GLT1D1: variants seen among roughly 807,000 people sequenced by gnomAD.
The protein encoded by GLT1D1 is glycosyltransferase 1 domain containing 1, also known as glycosyltransferase 1 domain-containing protein 1.
In GLT1D1, 21 loss-of-function variants were observed where a neutral mutation model predicts 28.7. The ratio of observed to expected loss-of-function variants is 0.73; its 90% CI spans 0.52 to 1.05. The LOEUF is 1.05. Ranked by LOEUF, GLT1D1 falls within the 50% of genes least tolerant of loss-of-function variation. GLT1D1 has a pLI of 0.00. For synonymous variants in GLT1D1, 147 were observed against 124.8 expected (o/e 1.18, Z -1.19); for missense variants, 343 against 330.6 (o/e 1.04, Z -0.29).
chr12:128,936,371 G>T (rs147986903), intron 4 of GLT1D1, among the ~76,000 whole-genome samples: 1 of 152,096 alleles, frequency 6.6e-6, no homozygotes, highest in African/African-American at 2.4e-5. Flanking sequence ...AGCCAGGATG[G>T]TCTCGATCCC....
In GLT1D1 at chr12:128,879,362, CTTATTATTTTTTTCTTTT is replaced by C. The variant is rs1249233105; in HGVS notation, c.217+3302_217+3319del. On this transcript the variant is annotated intron_variant, in intron 2 of 7. Coordinates refer to ENST00000281703, the MANE Select transcript of GLT1D1 (RefSeq NM_144669.3). Reference sequence around the variant, plus strand: ...TTGTGTCATTTTCTGTAAAGTGATACTTATTATTTTTTTCTTTTTCTTTCTTTCTTTCTTTCTTTCTTT... The same window carrying C: ...TTGTGTCATTTTCTGTAAAGTGATACTCTTTCTTTCTTTCTTTCTTTCTTT... Among the ~76,000 whole-genome samples the C allele has an allele frequency of 4.5e-3, 637 of 140,152 alleles. 11 individuals carry two copies. Among genetic ancestry groups the C allele is most frequent in the African/African-American group, 0.017 (596 of 34,852 alleles). The allele number at this position is 140,152 out of a possible 152,430, so 91.9% of individuals were successfully genotyped here. A position where few individuals can be genotyped will look rare whatever the true frequency, so the allele number is the denominator to read the frequency against.
intron 7 of GLT1D1, among the ~76,000 whole-genome samples, chr12:128,970,855 C>T (rs1033496208): frequency 1.3e-5 from 2 of 152,230 alleles, no homozygotes; most frequent in East Asian, 1.9e-4. Flanking sequence ...AGCCTGGAAG[C>T]TTCCCGAGGG....
rs1017794786 is a variant in GLT1D1, at chr12:128,876,029, C to G, written c.184C>G (p.Leu62Val). Residue 62 changes from leucine (L) to valine (V), a missense_variant, in exon 2 of 8, where the codon CTT becomes GTT. By Grantham distance (32) the Leu-to-Val change is conservative. Transcript: ENST00000281703. ...TGAGAACTGCGAGGCTGCCCTGGCT[C>G]TTCATCTCTATAGGGGAGGCAGGCT... is the stretch of plus-strand genomic sequence containing the variant. 2 of 1,613,790 alleles carry G rather than the reference C, an allele frequency of 1.2e-6. No individual in the cohort carries two copies. Among genetic ancestry groups the G allele is most frequent in the Admixed American group, 3.3e-5 (2 of 59,974 alleles).
At chr12:128,861,314 C>T (rs538764975) in intron 1 of GLT1D1, among the ~76,000 whole-genome samples, 6 of 152,314 alleles carry the variant, frequency 3.9e-5, no homozygotes, top group Non-Finnish European at 4.4e-5. Flanking sequence ...CTCTGACCCA[C>T]GAACCCAAAG....
chr12:128,961,261 G>A (rs980356742), intron 7 of GLT1D1, among the ~76,000 whole-genome samples: 1 of 152,220 alleles, frequency 6.6e-6, no homozygotes. Flanking sequence ...GCAAGCTGGA[G>A]ATGCAGGAAA....
At chr12:128,931,917 G>GCACGCGCA (rs1368012620) in intron 4 of GLT1D1, among the ~76,000 whole-genome samples, 163 of 141,102 alleles carry the variant, frequency 1.2e-3, no homozygotes, top group Admixed American at 2.1e-3. Context: ...ACACACGCAC[G>GCACGCGCA]CACACACACA....
intron 7 of GLT1D1, among the ~76,000 whole-genome samples, chr12:128,959,812 T>G (rs1593192083): frequency 6.6e-6 from 1 of 152,146 alleles, no homozygotes; most frequent in African/African-American, 2.4e-5. Flanking sequence ...ATATCCGCTC[T>G]GGCAAAGTGT....
intron 2 of GLT1D1, among the ~76,000 whole-genome samples, chr12:128,883,165 C>T (rs1239206826): frequency 1.3e-5 from 2 of 150,960 alleles, no homozygotes; most frequent in Non-Finnish European, 3.0e-5. Flanking sequence ...ACCTCGTTAT[C>T]TGCCCGCCTG....
At chr12:128,879,224 G>C (rs947604923) in intron 2 of GLT1D1, among the ~76,000 whole-genome samples, 3 of 152,010 alleles carry the variant, frequency 2.0e-5, no homozygotes, top group Middle Eastern at 3.2e-3. Flanking sequence ...CGTGTGCCAT[G>C]GTGGTTTGCT....
At chr12:128,897,809 C>T (rs1046211007) in intron 3 of GLT1D1, among the ~76,000 whole-genome samples, 1 of 152,114 alleles carries the variant, frequency 6.6e-6, no homozygotes, top group Non-Finnish European at 1.5e-5. Flanking sequence ...GCTGGGACTA[C>T]AGGCGCCCGC....
chr12:128,872,392 T>G (rs1956713662), intron 1 of GLT1D1, among the ~76,000 whole-genome samples: 2 of 152,154 alleles, frequency 1.3e-5, no homozygotes, highest in South Asian at 4.1e-4. Flanking sequence ...ATGGGAATTT[T>G]GAGAGACTGT....
intron 4 of GLT1D1, among the ~76,000 whole-genome samples, chr12:128,941,889 G>GTCTC (rs1270735525): frequency 3.6e-5 from 5 of 138,332 alleles, no homozygotes; most frequent in African/African-American, 1.4e-4. Context: ...ACCGTGCCTG[G>GTCTC]TCTCTCTCTC....
chr12:128,894,126 C>G (rs963018692), intron 3 of GLT1D1, among the ~76,000 whole-genome samples: 4 of 152,134 alleles, frequency 2.6e-5, no homozygotes, highest in Admixed American at 2.6e-4. Context: ...ATGCTGGGCT[C>G]GAGCCTCCTT....
chr12:128,873,566 T>G (rs1219803638), intron 1 of GLT1D1, among the ~76,000 whole-genome samples: 1 of 152,202 alleles, frequency 6.6e-6, no homozygotes, highest in Non-Finnish European at 1.5e-5. Context: ...GTCACAGGGT[T>G]TGTGCATTTA....
intron 1 of GLT1D1, among the ~76,000 whole-genome samples, chr12:128,874,194 C>CTTTCTTTCTTTTTTCTTTTTTTCTCTT (rs1956816930): frequency 7.2e-6 from 1 of 139,372 alleles, no homozygotes; most frequent in Admixed American, 7.4e-5. Context: ...CTTTCTTTCT[C>CTTTCTTTCTTTTTTCTTTTTTTCTCTT]TCTTTCTCTC....
At chr12:128,876,111 G>A (rs374703293) in intron 2 of GLT1D1, 49 bp downstream of exon 2, 32 of 1,537,138 alleles carry the variant, frequency 2.1e-5, no homozygotes, top group East Asian at 9.1e-5. Flanking sequence ...TCTGAAAACC[G>A]GAAGTGCCTG....
chr12:128,962,408 G>A (rs1878058860), intron 7 of GLT1D1, among the ~76,000 whole-genome samples: 1 of 152,248 alleles, frequency 6.6e-6, no homozygotes, highest in African/African-American at 2.4e-5. Flanking sequence ...GCATGGATTA[G>A]CCTGGGCAGC....
At chr12:128,954,065 TTTTAC>T (rs1212899931) in intron 6 of GLT1D1, among the ~76,000 whole-genome samples, 1 of 151,690 alleles carries the variant, frequency 6.6e-6, no homozygotes, top group Non-Finnish European at 1.5e-5. Context: ...TTTAATATAA[TTTTAC>T]TTTACTTTAT....
At chr12:128,938,348 A>G (rs1874774449) in intron 4 of GLT1D1, among the ~76,000 whole-genome samples, 1 of 152,238 alleles carries the variant, frequency 6.6e-6, no homozygotes, top group African/African-American at 2.4e-5. Flanking sequence ...TATGGCTATA[A>G]TTTTTCTCTT....
Sources: allele counts gnomAD v4.1 joint callset (sites outside exome capture counted in the v4.1 genomes callset), GRCh38; gene constraint gnomAD v4.1.1; transcripts MANE v1.5; gene names NCBI Gene and HGNC (gene_info 2026-07-23, HGNC 2026-07-21).